The following RCHY1 variants were observed in gnomAD, a reference collection of about 807,000 sequenced individuals.
RCHY1 encodes the protein RING finger and CHY zinc finger domain-containing protein 1.
In RCHY1, 21 loss-of-function variants were observed where a neutral mutation model predicts 41.6. The ratio of observed to expected loss-of-function variants is 0.51; its 90% CI spans 0.36 to 0.73. The LOEUF is 0.73. RCHY1 is among the 30% of genes least tolerant of loss of function. The pLI, the probability that RCHY1 is intolerant of heterozygous loss-of-function variation, is 0.00. For missense variants in RCHY1, 265 were observed against 325.3 expected (o/e 0.81, Z 1.43); for synonymous variants, 79 against 102.9 (o/e 0.77, Z 1.41).
upstream of RCHY1, chr4:75,514,445 C>T (rs1214440691): frequency 1.1e-5 from 9 of 788,922 alleles, no homozygotes; most frequent in Non-Finnish European, 1.5e-5. Flanking sequence ...ATTTCCGGTT[C>T]CCGGGGCTAC....
chr4:75,487,732 AATATATATTC>A (rs1722306898), intron 8 of RCHY1, among the ~76,000 whole-genome samples: 1 of 52,600 alleles, frequency 1.9e-5, no homozygotes, highest in Non-Finnish European at 3.6e-5. Context: ...ATATATTCAT[AATATATATTC>A]ATATATATAT....
chr4:75,482,023 T>C lies in RCHY1; in HGVS notation c.*515A>G, dbSNP rs1721563700. 6.6e-6 allele frequency: 1 copy of C among 152,152 alleles called. No homozygotes were observed. The highest frequency in any genetic ancestry group is 2.4e-5 in the African/African-American group (1 of 41,442). The allele number at this position is 152,152 out of a possible 1,614,324, so 9.4% of individuals were successfully genotyped here. A position where few individuals can be genotyped will look rare whatever the true frequency, so the allele number is the denominator to read the frequency against. ...CTATAAAACAGTTTCAATATAATTT[T>C]ATTAGCAGTTATTACATCAAAATTC... On this transcript the variant is annotated 3_prime_UTR_variant, in exon 9 of 9. Coordinates refer to ENST00000324439, the MANE Select transcript of RCHY1 (RefSeq NM_015436.4).
rs1277772854 is a variant in RCHY1, at chr4:75,479,969, T to C, written c.*2569A>G. The C allele has an allele frequency of 2.0e-5, 3 of 152,224 alleles. No individual in the cohort carries two copies. The highest frequency in any genetic ancestry group is 4.4e-5 in the Non-Finnish European group (3 of 68,036). The allele number at this position is 152,224 out of a possible 1,614,324, so 9.4% of individuals were successfully genotyped here. Reference sequence around the variant, plus strand: ...TTCTTTCTTATAGAGGTATAACCTATACTTATGAAGTCAGAGAAAGAAAAA... The same window carrying C: ...TTCTTTCTTATAGAGGTATAACCTACACTTATGAAGTCAGAGAAAGAAAAA... On this transcript the variant is annotated 3_prime_UTR_variant, in exon 9 of 9. Transcript: ENST00000324439.
intron 1 of RCHY1, among the ~76,000 whole-genome samples, chr4:75,512,505 T>C (rs964653422): frequency 2.6e-5 from 4 of 152,186 alleles, no homozygotes; most frequent in African/African-American, 9.7e-5. Flanking sequence ...TCAGGGACAA[T>C]GCCCTTACAG....
intron 7 of RCHY1, 52 bp downstream of exon 7, chr4:75,491,559 A>G (rs1722751242): frequency 6.5e-7 from 1 of 1,547,296 alleles, no homozygotes; most frequent in Non-Finnish European, 8.9e-7. Context: ...CACACCACAC[A>G]CACAAAAAAG....
At chr4:75,492,056 T>A in intron 4 of RCHY1, 123 bp from the exon 5 acceptor site, 1 of 635,202 alleles carries the variant, frequency 1.6e-6, no homozygotes, top group Non-Finnish European at 2.6e-6. Flanking sequence ...CATTAATATA[T>A]GCTTTTTATA....
At chr4:75,506,640 GA>G (rs564608513) in intron 3 of RCHY1, among the ~76,000 whole-genome samples, 68 of 144,276 alleles carry the variant, frequency 4.7e-4, no homozygotes, top group East Asian at 8.0e-4. Flanking sequence ...AGAAATACAG[GA>G]AAAAAAAAAA....
At chr4:75,493,609 G>C (rs1722936528) in intron 4 of RCHY1, among the ~76,000 whole-genome samples, 1 of 151,638 alleles carries the variant, frequency 6.6e-6, no homozygotes, top group African/African-American at 2.4e-5. Context: ...GATAGAATCA[G>C]TACTATAATG....
chr4:75,502,533 C>G (rs1393119110), intron 3 of RCHY1, among the ~76,000 whole-genome samples: 1 of 151,734 alleles, frequency 6.6e-6, no homozygotes, highest in Non-Finnish European at 1.5e-5. Context: ...GAGTGAGACT[C>G]CGTCTCAAAA....
At chr4:75,500,364 T>A (rs1723635242) in intron 3 of RCHY1, among the ~76,000 whole-genome samples, 1 of 152,192 alleles carries the variant, frequency 6.6e-6, no homozygotes, top group African/African-American at 2.4e-5. Flanking sequence ...CTTCCTCACT[T>A]TTTAAAAAGC....
At chr4:75,504,031 T>C (rs559673299) in intron 3 of RCHY1, among the ~76,000 whole-genome samples, 107 of 152,342 alleles carry the variant, frequency 7.0e-4, no homozygotes, top group African/African-American at 2.5e-3. Flanking sequence ...CTCTCAAAGT[T>C]CTCAAATGTA....
At chr4:75,486,821 G>A (rs760137553) in intron 8 of RCHY1, among the ~76,000 whole-genome samples, 64 of 152,094 alleles carry the variant, frequency 4.2e-4, no homozygotes, top group South Asian at 1.5e-3. Context: ...TCTACTAAAA[G>A]TACAAAAATT....
chr4:75,487,357 T>C (rs1722112536), intron 8 of RCHY1, among the ~76,000 whole-genome samples: 1 of 150,210 alleles, frequency 6.7e-6, no homozygotes, highest in African/African-American at 2.4e-5. Context: ...CTTTTAATTG[T>C]TTAGAAAACT....
chr4:75,504,468 T>C lies in RCHY1; in HGVS notation c.326+4352A>G, dbSNP rs145178243. Reference sequence around the variant, plus strand: ...CAGTTAACATATTTTCTCCTTATGATTGTCCTAATATTTTTCTCTAGTTTA... The same window carrying C: ...CAGTTAACATATTTTCTCCTTATGACTGTCCTAATATTTTTCTCTAGTTTA... On this transcript the variant is annotated intron_variant, in intron 3 of 8. Transcript: ENST00000324439. Among the ~76,000 whole-genome samples the C allele has an allele frequency of 2.0e-4, 30 of 152,312 alleles. No individual in the cohort carries two copies. The East Asian group carries it at 3.7e-3, about 19-fold the overall frequency.
intron 3 of RCHY1, among the ~76,000 whole-genome samples, chr4:75,498,772 G>A (rs113874793): frequency 1.8e-4 from 28 of 152,148 alleles, no homozygotes; most frequent in Middle Eastern, 3.4e-3. Flanking sequence ...CTCTCTCACC[G>A]TACACAGAAA....
At chr4:75,509,320 G>T in intron 1 of RCHY1, 24 bp from the exon 2 acceptor site, 1 of 1,601,616 alleles carries the variant, frequency 6.2e-7, no homozygotes, top group Non-Finnish European at 8.5e-7. Context: ...AGAAAAAAGA[G>T]ATATAGTAAG....
At chr4:75,498,615 A>T (rs191558219) in intron 3 of RCHY1, among the ~76,000 whole-genome samples, 1 of 152,152 alleles carries the variant, frequency 6.6e-6, no homozygotes, top group Non-Finnish European at 1.5e-5. Flanking sequence ...TGCAGAACAG[A>T]GAATCCACAT....
intron 5 of RCHY1, 49 bp from the exon 6 acceptor site, chr4:75,491,831 C>T (rs936799434): frequency 1.9e-6 from 3 of 1,599,074 alleles, no homozygotes; most frequent in East Asian, 2.2e-5. Context: ...ATATAAACAT[C>T]CAAGTATTTT....
At chr4:75,513,892 G>T in intron 1 of RCHY1, 1 of 247,482 alleles carries the variant, frequency 4.0e-6, no homozygotes. Flanking sequence ...CCCCAGTACA[G>T]GCCCGGGGCT....
Sources: gnomAD v4.1 joint callset for allele counts (sites outside exome capture counted in the v4.1 genomes callset) on GRCh38, gnomAD v4.1.1 for gene constraint, MANE v1.5 for transcripts, NCBI Gene and HGNC (gene_info 2026-07-23, HGNC 2026-07-21) for gene names.